The following RASSF8 variants were observed in gnomAD, a reference collection of about 807,000 sequenced individuals.
RASSF8 encodes the protein ras association domain-containing protein 8.
In RASSF8, 22 loss-of-function variants were observed where a neutral mutation model predicts 48.5. That is an observed-to-expected ratio of 0.45 (90% CI 0.32 to 0.65). The LOEUF is 0.65. Ranked by LOEUF, RASSF8 falls within the 30% of genes least tolerant of loss-of-function variation. RASSF8 has a pLI of 0.03. For synonymous variants in RASSF8, 127 were observed against 171.5 expected, an observed-to-expected ratio of 0.74 and a Z score of 2.03; for missense variants, 418 against 489.2, an observed-to-expected ratio of 0.85 and a Z score of 1.37.
intron 1 of RASSF8, among the ~76,000 whole-genome samples, chr12:25,976,625 A>G (rs1306375162): frequency 6.6e-6 from 1 of 152,212 alleles, no homozygotes; most frequent in Non-Finnish European, 1.5e-5. Flanking sequence ...TATCTGGGCC[A>G]TTGAGCTGCT....
chr12:25,986,686 C>G (rs1204783926), intron 1 of RASSF8, among the ~76,000 whole-genome samples: 1 of 152,136 alleles, frequency 6.6e-6, no homozygotes, highest in East Asian at 1.9e-4. Flanking sequence ...TTCATTGACT[C>G]CTTCCATGTG....
At chr12:25,967,942 G>C (rs867695576) in intron 1 of RASSF8, among the ~76,000 whole-genome samples, 1 of 152,170 alleles carries the variant, frequency 6.6e-6, no homozygotes, top group Non-Finnish European at 1.5e-5. Flanking sequence ...CCTGGATCCC[G>C]CTGTCTTCGG....
intron 2 of RASSF8, among the ~76,000 whole-genome samples, chr12:26,003,285 T>G (rs1353391375): frequency 6.6e-6 from 1 of 152,258 alleles, no homozygotes; most frequent in Non-Finnish European, 1.5e-5. Context: ...GAACCATCCT[T>G]GCATGCCTGA....
At chr12:25,992,303 C>T (rs1255799459) in intron 1 of RASSF8, among the ~76,000 whole-genome samples, 1 of 152,224 alleles carries the variant, frequency 6.6e-6, no homozygotes. Flanking sequence ...TGTTGAAGAA[C>T]ATGGGCTCTG....
intron 2 of RASSF8, among the ~76,000 whole-genome samples, chr12:26,038,608 A>AACACACACACACACACACACACAC (rs57536643): frequency 5.5e-5 from 8 of 144,964 alleles, no homozygotes; most frequent in South Asian, 2.3e-4. Context: ...TTCTTATTAA[A>AACACACACACACACACACACACAC]ACACACACAC....
Position 26,069,883 on chromosome 12 carries a change from A to G in RASSF8, c.*1065A>G, listed in dbSNP as rs1354734858. 2.0e-6 allele frequency: 2 copies of G among 983,732 alleles called. No homozygotes were observed. Among genetic ancestry groups the G allele is most frequent in the Non-Finnish European group, 1.2e-6 (1 of 828,346 alleles). 60.9% of individuals were successfully genotyped at this position (983,732 alleles called of 1,614,324 possible). On this transcript the variant is annotated 3_prime_UTR_variant, in exon 6 of 6. Coordinates refer to ENST00000689635, the MANE Select transcript of RASSF8 (RefSeq NM_001394098.1). Reference sequence around the variant, plus strand: ...CTTAGATGGAAAGGAGGTTAAACCTAGGTACTTTTTAGCAAGGATATAAAG... The same window carrying G: ...CTTAGATGGAAAGGAGGTTAAACCTGGGTACTTTTTAGCAAGGATATAAAG...
intron 2 of RASSF8, among the ~76,000 whole-genome samples, chr12:26,031,074 G>A: frequency 6.6e-6 from 1 of 152,126 alleles, no homozygotes; most frequent in African/African-American, 2.4e-5. Context: ...GCAGCTTTCA[G>A]TATAAATGAA....
In RASSF8 at chr12:25,970,879, TC is replaced by T. The variant is rs556680565; in HGVS notation, c.-203+11733del. Among the ~76,000 whole-genome samples the T allele has an allele frequency of 1.6e-4, 24 of 152,368 alleles. No homozygotes were observed. The East Asian group carries it at 4.4e-3, about 28-fold the overall frequency. On this transcript the variant is annotated intron_variant, in intron 1 of 5. Transcript: ENST00000689635. ...TTTGATGACATGAAGAAATGGTTCA[TC>T]CTCTTTTTTGCCTGCCAGAACACTT...
intron 2 of RASSF8, among the ~76,000 whole-genome samples, chr12:26,003,108 C>T (rs1278850785): frequency 6.6e-6 from 1 of 152,118 alleles, no homozygotes; most frequent in Non-Finnish European, 1.5e-5. Flanking sequence ...GGTGTCCTTT[C>T]CTCATGTATG....
Position 26,064,926 on chromosome 12 carries a change from C to G in RASSF8, c.532C>G (p.Gln178Glu). 6.2e-7 allele frequency: 1 copy of G among 1,614,098 alleles called. No individual in the cohort carries two copies. Among genetic ancestry groups the G allele is most frequent in the Non-Finnish European group, 8.5e-7 (1 of 1,180,020 alleles). ...AATCCGTCTGCAGACAGAGAAGCTT[C>G]AATCCATTGAGAAACAGCTGGAATC... ...KLIRLQTEKL[Q>E]SIEKQLESNE... Residue 178 changes from glutamine to glutamate, a missense_variant, in exon 4 of 6, where the codon CAA becomes GAA. Coordinates refer to ENST00000689635, the MANE Select transcript of RASSF8 (RefSeq NM_001394098.1).
intron 2 of RASSF8, among the ~76,000 whole-genome samples, chr12:26,024,641 C>T (rs1195918550): frequency 6.6e-6 from 1 of 152,076 alleles, no homozygotes; most frequent in African/African-American, 2.4e-5. Context: ...CCTAGGAATG[C>T]AAGGGTTGGT....
At chr12:25,967,007 T>C (rs372415070) in intron 1 of RASSF8, among the ~76,000 whole-genome samples, 42 of 152,264 alleles carry the variant, frequency 2.8e-4, no homozygotes, top group African/African-American at 9.6e-4. Flanking sequence ...GTTCCAACAC[T>C]GTTGAAACGA....
At chr12:26,058,535 C>T (rs1024161193) in intron 3 of RASSF8, among the ~76,000 whole-genome samples, 15 of 59,854 alleles carry the variant, frequency 2.5e-4, no homozygotes, top group Admixed American at 5.9e-4. Context: ...CGCACGCGCG[C>T]GCGCACACAC....
intron 1 of RASSF8, among the ~76,000 whole-genome samples, chr12:25,976,483 A>C: frequency 6.6e-6 from 1 of 152,262 alleles, no homozygotes; most frequent in African/African-American, 2.4e-5. Context: ...TTGTAACTTC[A>C]CTTCAGCCTC....
At chr12:25,985,021 C>G (rs1361388965) in intron 1 of RASSF8, among the ~76,000 whole-genome samples, 1 of 152,088 alleles carries the variant, frequency 6.6e-6, no homozygotes, top group Non-Finnish European at 1.5e-5. Context: ...AAACCACCAC[C>G]CTGGTCTTGA....
Position 25,986,855 on chromosome 12 carries a change from A to G in RASSF8, c.-202-8182A>G, listed in dbSNP as rs1043087941. On this transcript the variant is annotated intron_variant, in intron 1 of 5. Transcript: ENST00000689635. The stretch of plus-strand genomic sequence containing the variant: ...CACTTCTCCCCTCTTATGGATTCGT[A>G]CACACTGTCACTTGTGTATTGCTAC... Among the ~76,000 whole-genome samples the G allele has an allele frequency of 5.3e-5, 8 of 151,926 alleles. 1 individual carries two copies. Among genetic ancestry groups the G allele is most frequent in the Admixed American group, 5.2e-4 (8 of 15,246 alleles).
intron 3 of RASSF8, among the ~76,000 whole-genome samples, chr12:26,059,270 G>C (rs1319252694): frequency 6.6e-6 from 1 of 152,200 alleles, no homozygotes; most frequent in Non-Finnish European, 1.5e-5. Flanking sequence ...AAATCAAGGA[G>C]ATTGAGGAAA....
chr12:25,960,638 A>G (rs1941209264), intron 1 of RASSF8, among the ~76,000 whole-genome samples: 1 of 152,256 alleles, frequency 6.6e-6, no homozygotes, highest in African/African-American at 2.4e-5. Context: ...AATACAGATG[A>G]TAAAACCTTT....
At position 26,001,909 on chromosome 12, in the gene RASSF8, G is replaced by C. The variant is rs115624577; in HGVS notation, c.-109+6779G>C. Among the ~76,000 whole-genome samples the C allele has an allele frequency of 3.0e-3, 453 of 152,286 alleles. 3 individuals are homozygous for C. The highest frequency in any genetic ancestry group is 0.011 in the African/African-American group (439 of 41,552). ...TTATGCATTGTAAATAATTGTAAGT[G>C]CTGTTTCTAAGACTGGCAGTGCAGT... On this transcript the variant is annotated intron_variant, in intron 2 of 5. Coordinates refer to ENST00000689635, the MANE Select transcript of RASSF8 (RefSeq NM_001394098.1).
Sources: gnomAD v4.1 joint callset for allele counts (sites outside exome capture counted in the v4.1 genomes callset) on GRCh38, gnomAD v4.1.1 for gene constraint, MANE v1.5 for transcripts, NCBI Gene and HGNC (gene_info 2026-07-23, HGNC 2026-07-21) for gene names.